GABRR3: variants seen among roughly 807,000 people sequenced by gnomAD.
The protein encoded by GABRR3 is gamma-aminobutyric acid type A receptor subunit rho3.
GABRR3 carries 29 observed loss-of-function variants against 43.2 expected under a neutral mutation model. That is an observed-to-expected ratio of 0.67 (90% confidence interval 0.50 to 0.92). The LOEUF (loss-of-function observed/expected upper bound fraction) is 0.92. Among genes scored for constraint, GABRR3 ranks in the 40% least tolerant of loss-of-function variants. GABRR3 has a pLI of 0.00. For synonymous variants in GABRR3, 206 were observed against 195.9 expected (o/e 1.05, Z -0.43); for missense variants, 576 against 572.3 (o/e 1.01, Z -0.07).
chr3:98,023,552 T>C (rs1706977241), intron 3 of GABRR3, among the ~76,000 whole-genome samples: 1 of 152,116 alleles, frequency 6.6e-6, no homozygotes, highest in Non-Finnish European at 1.5e-5. Flanking sequence ...ATCTGCGTAG[T>C]AGTTGTAGAA....
chr3:98,031,631 T>C (rs552503441), intron 2 of GABRR3, among the ~76,000 whole-genome samples: 15 of 151,954 alleles, frequency 9.9e-5, no homozygotes, highest in African/African-American at 3.4e-4. Flanking sequence ...TTGTCCCAGC[T>C]ACTTGGGAGG....
chr3:98,030,987 T>C (rs780216234), intron 2 of GABRR3, among the ~76,000 whole-genome samples: 3 of 152,244 alleles, frequency 2.0e-5, no homozygotes, highest in Non-Finnish European at 4.4e-5. Context: ...TCATAATTCT[T>C]GATCCAATCT....
chr3:98,026,212 G>A (rs1175005626), intron 2 of GABRR3, among the ~76,000 whole-genome samples: 2 of 152,154 alleles, frequency 1.3e-5, no homozygotes, highest in Non-Finnish European at 2.9e-5. Context: ...GAAAATACAG[G>A]GTGCAGGCTG....
At chr3:98,012,149 G>T (rs902628533) in intron 5 of GABRR3, among the ~76,000 whole-genome samples, 195 bp downstream of exon 5, 1 of 152,196 alleles carries the variant, frequency 6.6e-6, no homozygotes, top group Admixed American at 6.5e-5. Flanking sequence ...AGTGGGTAGA[G>T]TTAGAATAGA....
At chr3:97,994,972 A>G (rs1706516131) in intron 8 of GABRR3, among the ~76,000 whole-genome samples, 1 of 151,732 alleles carries the variant, frequency 6.6e-6, no homozygotes, top group South Asian at 2.1e-4. Context: ...TGCTAACCTC[A>G]TTAATTTGAA....
At chr3:98,033,980 T>C (rs991170960) in intron 2 of GABRR3, among the ~76,000 whole-genome samples, 14 of 152,286 alleles carry the variant, frequency 9.2e-5, no homozygotes, top group African/African-American at 3.4e-4. Context: ...GATCTTACAG[T>C]GAATGCATAA....
At chr3:98,001,836 AC>A in intron 7 of GABRR3, 69 bp from the exon 8 acceptor site, 1 of 1,555,486 alleles carries the variant, frequency 6.4e-7, no homozygotes, top group African/African-American at 1.4e-5. Flanking sequence ...TAGTGAAATG[AC>A]CTGCTTCTTT....
chr3:97,998,387 C>G (rs1249780155), intron 8 of GABRR3: 1 of 152,082 alleles, frequency 6.6e-6, no homozygotes, highest in Non-Finnish European at 1.5e-5. Context: ...ACTCAGTGAA[C>G]CAATGTTTTC....
chr3:98,020,974 G>A (rs1271796584), intron 3 of GABRR3, among the ~76,000 whole-genome samples: 1 of 150,766 alleles, frequency 6.6e-6, no homozygotes, highest in Non-Finnish European at 1.5e-5. Context: ...CGATTCTCTG[G>A]CCTCAGCCTC....
intron 9 of GABRR3, among the ~76,000 whole-genome samples, chr3:97,990,950 A>G (rs969080436): frequency 2.6e-5 from 4 of 152,246 alleles, no homozygotes; most frequent in Non-Finnish European, 5.9e-5. Flanking sequence ...TAGTAATTTT[A>G]CAATTAAAAA....
intron 5 of GABRR3, among the ~76,000 whole-genome samples, chr3:98,010,116 AC>A (rs1323387184): frequency 1.3e-5 from 2 of 152,222 alleles, no homozygotes; most frequent in East Asian, 3.9e-4. Flanking sequence ...CTCCAAGATC[AC>A]TCTCAGGGTC....
chr3:98,013,876 A>G (rs903560942), intron 4 of GABRR3, among the ~76,000 whole-genome samples: 1 of 152,222 alleles, frequency 6.6e-6, no homozygotes, highest in African/African-American at 2.4e-5. Context: ...CTGGGCAAAC[A>G]CTGAGTTTAT....
chr3:98,012,833 G>C (rs1706818611), intron 4 of GABRR3, among the ~76,000 whole-genome samples: 1 of 152,156 alleles, frequency 6.6e-6, no homozygotes, highest in African/African-American at 2.4e-5. Context: ...GGTTATAAAT[G>C]GGAAGCATTT....
intron 3 of GABRR3, 78 bp from the exon 4 acceptor site, chr3:98,017,800 T>C: frequency 1.9e-6 from 2 of 1,036,478 alleles, no homozygotes; most frequent in Non-Finnish European, 2.9e-6. Context: ...GAGAGATTAA[T>C]TCTCTTGGAC....
Position 97,992,990 on chromosome 3 carries a change from G to A in GABRR3, c.966C>T (p.Pro322=), listed in dbSNP as rs537320048. 9.3e-6 allele frequency: 15 copies of A among 1,613,174 alleles called. No homozygotes were observed. The South Asian group carries it at 1.1e-4, about 12-fold the overall frequency. The change falls in exon 9 of 10, where the codon CCC becomes CCT. Residue 322 remains proline (P), a synonymous_variant. Coordinates refer to ENST00000621172, the Ensembl canonical transcript of GABRR3. Reference sequence around the variant, plus strand: ...CCACAGCCTTGAGGTAGGACACCTGGGGCATGGAGGCGCTCACAGCAGTGA... The same window carrying A: ...CCACAGCCTTGAGGTAGGACACCTGAGGCATGGAGGCGCTCACAGCAGTGA...
At chr3:98,011,714 C>G (rs1369679754) in intron 5 of GABRR3, among the ~76,000 whole-genome samples, 1 of 151,582 alleles carries the variant, frequency 6.6e-6, no homozygotes, top group African/African-American at 2.4e-5. Flanking sequence ...TAGAATTTTT[C>G]TAAGGTTTGT....
intron 2 of GABRR3, among the ~76,000 whole-genome samples, chr3:98,033,436 A>G (rs1481042313): frequency 1.3e-5 from 2 of 152,098 alleles, no homozygotes; most frequent in African/African-American, 2.4e-5. Flanking sequence ...ACCTCACCAC[A>G]AAGAACCAAT....
intron 8 of GABRR3, among the ~76,000 whole-genome samples, chr3:97,993,898 T>C (rs1706504169): frequency 6.6e-6 from 1 of 152,002 alleles, no homozygotes; most frequent in African/African-American, 2.4e-5. Context: ...AGGGGGAAAA[T>C]GGAGAACGAA....
chr3:98,023,419 C>T (rs1378617236), intron 3 of GABRR3, among the ~76,000 whole-genome samples: 1 of 152,152 alleles, frequency 6.6e-6, no homozygotes, highest in Non-Finnish European at 1.5e-5. Flanking sequence ...GACTGGCGCC[C>T]CCTGGTGGCC....
Sources: allele counts gnomAD v4.1 joint callset (sites outside exome capture counted in the v4.1 genomes callset), GRCh38; gene constraint gnomAD v4.1.1; transcripts MANE v1.5; gene names NCBI Gene and HGNC (gene_info 2026-07-23, HGNC 2026-07-21).